SYNRG: variants seen among roughly 807,000 people sequenced by gnomAD.
SYNRG encodes AP1 gamma subunit binding protein 1.
Under a neutral mutation model 130.9 loss-of-function variants are expected in SYNRG, and 37 were observed. The observed-to-expected ratio is 0.28, with a 90% CI of 0.22 to 0.37. SYNRG has a LOEUF of 0.37. Among genes scored for constraint, SYNRG ranks in the 10% least tolerant of loss-of-function variants. The pLI is 1.00. For synonymous variants in SYNRG, 539 were observed against 568.1 expected, an observed-to-expected ratio of 0.95 and a Z score of 0.73; for missense variants, 1,338 against 1,588.9, an observed-to-expected ratio of 0.84 and a Z score of 2.68.
intron 1 of SYNRG, among the ~76,000 whole-genome samples, chr17:37,608,035 T>C (rs2063964725): frequency 6.6e-6 from 1 of 151,726 alleles, no homozygotes; most frequent in South Asian, 2.1e-4. Flanking sequence ...ATATGTTTCT[T>C]CTCCAGCCAG....
intron 3 of SYNRG, among the ~76,000 whole-genome samples, chr17:37,586,818 C>G (rs17660494): frequency 0.75 from 114,767 of 152,088 alleles, 44,517 homozygotes; most frequent in African/African-American, 0.93. Flanking sequence ...ACTGTTAATA[C>G]TCTGATTGGT....
rs746858549 is a variant in SYNRG, at chr17:37,577,381, ACT to A, written c.820_821del (p.Ser274TrpfsTer22). ...TTGCTGAATGCTTCACGAGCTCACC[ACT>A]CTCTTCAATTGACAGGTTTTGATCT... Reference protein sequence around the residue: ...TSDQNLSIEESGVGVFPSQDP... With the variant: ...TSDQNLSIEEXGVGVFPSQDP... On this transcript the variant is annotated frameshift_variant and splice_region_variant, in exon 7 of 22. Coordinates refer to ENST00000612223, the MANE Select transcript of SYNRG (RefSeq NM_007247.6). LOFTEE classifies it high-confidence loss of function. 1.2e-6 allele frequency: 2 copies of A among 1,613,626 alleles called. No individual in the cohort carries two copies. Among genetic ancestry groups the A allele is most frequent in the Non-Finnish European group, 1.7e-6 (2 of 1,179,806 alleles).
intron 11 of SYNRG, chr17:37,568,029 TGGTGAAAC>T (rs1174567020): frequency 6.6e-6 from 1 of 151,852 alleles, no homozygotes; most frequent in African/African-American, 2.4e-5. Flanking sequence ...CATGGTGAAA[TGGTGAAAC>T]CCCATCTCTA....
At chr17:37,564,285 T>C (rs369168864) in intron 11 of SYNRG, among the ~76,000 whole-genome samples, 1 of 152,202 alleles carries the variant, frequency 6.6e-6, no homozygotes, top group Non-Finnish European at 1.5e-5. Flanking sequence ...GCCCTTCAGG[T>C]CTTATGTGCA....
At chr17:37,584,823 A>G (rs2061576642) in intron 5 of SYNRG, 64 bp from the exon 6 acceptor site, 1 of 1,214,128 alleles carries the variant, frequency 8.2e-7, no homozygotes. Context: ...AAACCCTCCC[A>G]AATTAAGAAA....
rs3110620 is a variant in SYNRG at position 37,548,552 on chromosome 17, T to C, written c.2608+4563A>G. Among the ~76,000 whole-genome samples, 855 of 152,234 alleles carry C rather than the reference T, an allele frequency of 5.6e-3. 9 individuals are homozygous for C. The highest frequency in any genetic ancestry group is 0.02 in the African/African-American group (826 of 41,542). On this transcript the variant is annotated intron_variant, in intron 14 of 21. Coordinates refer to ENST00000612223, the MANE Select transcript of SYNRG (RefSeq NM_007247.6). The stretch of plus-strand genomic sequence containing the variant: ...CTTCTTCTAGGCCGGGTGTGGTGGC[T>C]CACACCTGTAATCCCACTACTTTGG...
In SYNRG at chr17:37,567,398, T is replaced by C. The variant is rs894118503; in HGVS notation, c.1481+1393A>G. On this transcript the variant is annotated intron_variant, in intron 11 of 21. Coordinates refer to ENST00000612223, the MANE Select transcript of SYNRG (RefSeq NM_007247.6). ...TATGTGGCTTTGAGTAGGAAAACAC[T>C]AAAGGTAATTTCATGCAGTGAATTT... The C allele has an allele frequency of 3.9e-5, 6 of 152,188 alleles. No homozygotes were observed. The South Asian group carries it at 8.3e-4, about 21-fold the overall frequency. The allele number at this position is 152,188 out of a possible 1,614,324, so 9.4% of individuals were successfully genotyped here.
intron 17 of SYNRG, among the ~76,000 whole-genome samples, 162 bp from the exon 18 acceptor site, chr17:37,538,582 T>C (rs923063566): frequency 6.6e-5 from 10 of 152,258 alleles, no homozygotes; most frequent in African/African-American, 2.4e-4. Flanking sequence ...GAAAATATGT[T>C]TTTTTCCTTT....
intron 3 of SYNRG, among the ~76,000 whole-genome samples, chr17:37,595,614 C>T (rs544510056): frequency 7.9e-5 from 12 of 152,230 alleles, no homozygotes; most frequent in Middle Eastern, 3.4e-3. Context: ...GTGTAACAAA[C>T]CTACAAACGT....
chr17:37,518,881 C>T lies in SYNRG; in HGVS notation c.*59G>A. On this transcript the variant is annotated 3_prime_UTR_variant, in exon 22 of 22. Transcript: ENST00000612223. ...AGTGCTCGCATTCTATTTATTGGTC[C>T]CTGTCACCCCGTGGGGTGTCACAGA... 1 of 1,585,234 alleles carries T rather than the reference C, an allele frequency of 6.3e-7. No individual in the cohort carries two copies. The highest frequency in any genetic ancestry group is 8.6e-7 in the Non-Finnish European group (1 of 1,164,180).
At position 37,520,634 on chromosome 17, in the gene SYNRG, C is replaced by A. The variant is rs150039501; in HGVS notation, c.3681G>T (p.Ser1227=). ...GTAACATACAGGAGGAAAAATCCAGCGAGTTTTCATCTGGCTGTGAGGACG... is the reference window on the plus strand; with the variant it reads ...GTAACATACAGGAGGAAAAATCCAGAGAGTTTTCATCTGGCTGTGAGGACG... ...SLATLTPDEN[S]LDFSSCMLRP... Residue 1227 remains serine (S), a synonymous_variant, in exon 20 of 22, where the codon TCG becomes TCT. Coordinates refer to ENST00000612223, the MANE Select transcript of SYNRG (RefSeq NM_007247.6). The A allele has an allele frequency of 3.1e-6, 5 of 1,614,050 alleles. No homozygotes were observed. The highest frequency in any genetic ancestry group is 4.2e-6 in the Non-Finnish European group (5 of 1,180,040).
rs535515728 is a variant in SYNRG, at chr17:37,552,168, T to A, written c.2608+947A>T. On this transcript the variant is annotated intron_variant, in intron 14 of 21. Coordinates refer to ENST00000612223, the MANE Select transcript of SYNRG (RefSeq NM_007247.6). ...AAGTGTCTCACGTGTCCCCCCTAGT[T>A]AGACAAAACCAAATCCTTCATATGC... 2.0e-4 allele frequency among the ~76,000 whole-genome samples: 30 copies of A among 152,298 alleles called. No individual in the cohort carries two copies. In the South Asian group the frequency reaches 6.2e-3, roughly 32 times the overall value.
chr17:37,554,317 G>A (rs1047693828), intron 13 of SYNRG, among the ~76,000 whole-genome samples: 2 of 152,044 alleles, frequency 1.3e-5, no homozygotes, highest in African/African-American at 4.8e-5. Context: ...TTTAGTGTGG[G>A]ATCTCTCTTA....
rs750643707 is a variant in SYNRG, at chr17:37,553,509, C to A, written c.2214G>T (p.Ser738=). Residue 738 remains serine, a synonymous_variant, in exon 14 of 22, where the codon TCG becomes TCT. Coordinates refer to ENST00000612223, the MANE Select transcript of SYNRG (RefSeq NM_007247.6). ...VGSTVKGGQN[S]TAASTKYDVF... ...CATCGTACTTGGTAGACGCAGCAGT[C>A]GAGTTTTGTCCACCCTTCACTGTGC... 6.2e-7 allele frequency: 1 copy of A among 1,614,180 alleles called. No homozygotes were observed. Among genetic ancestry groups the A allele is most frequent in the Non-Finnish European group, 8.5e-7 (1 of 1,180,038 alleles).
rs576295449 is a variant in SYNRG at position 37,599,241 on chromosome 17, G to A, written c.118+1122C>T. The stretch of plus-strand genomic sequence containing the variant: ...GACTGTCAGAGTGAAAGAAATGAGC[G>A]GAAAGAAGCCAGATGAAGGCAGATC... On this transcript the variant is annotated intron_variant, in intron 2 of 21. Transcript: ENST00000612223. Among the ~76,000 whole-genome samples, 10 of 152,314 alleles carry A rather than the reference G, an allele frequency of 6.6e-5. No homozygotes were observed. In the South Asian group the frequency reaches 1.4e-3, roughly 22 times the overall value.
chr17:37,522,575 C>T (rs1044346160), intron 19 of SYNRG, among the ~76,000 whole-genome samples: 16 of 152,066 alleles, frequency 1.1e-4, no homozygotes, highest in African/African-American at 3.6e-4. Flanking sequence ...TCAAGCAATC[C>T]TCCCGCCTCA....
intron 11 of SYNRG, among the ~76,000 whole-genome samples, chr17:37,563,992 C>T (rs148040645): frequency 1.4e-4 from 22 of 152,036 alleles, no homozygotes; most frequent in Non-Finnish European, 1.8e-4. Context: ...TACAGGCACA[C>T]ACCACCAGGC....
intron 1 of SYNRG, among the ~76,000 whole-genome samples, chr17:37,606,650 A>C (rs1400389079): frequency 6.6e-6 from 1 of 151,990 alleles, no homozygotes; most frequent in Non-Finnish European, 1.5e-5. Flanking sequence ...TGCCTTGATT[A>C]AAGAAAAAAA....
rs181475774 is a variant in SYNRG at position 37,540,899 on chromosome 17, G to A, written c.3203-356C>T. ...ATCTGCCTGCCTCCCCTCCCAAAGC[G>A]TTGAGATTACAGGTGTGAGCCACCG... On this transcript the variant is annotated intron_variant, in intron 15 of 21. Coordinates refer to ENST00000612223, the MANE Select transcript of SYNRG (RefSeq NM_007247.6). 1.9e-4 allele frequency: 189 copies of A among 1,010,688 alleles called. 4 individuals are homozygous for A. The East Asian group carries it at 5.1e-3, about 27-fold the overall frequency. The allele number at this position is 1,010,688 out of a possible 1,614,324, so 62.6% of individuals were successfully genotyped here.
Sources: allele counts gnomAD v4.1 joint callset (sites outside exome capture counted in the v4.1 genomes callset), GRCh38; gene constraint gnomAD v4.1.1; transcripts MANE v1.5; gene names NCBI Gene and HGNC (gene_info 2026-07-23, HGNC 2026-07-21).